CACNA2D3: variants seen among roughly 807,000 people sequenced by gnomAD.
CACNA2D3 encodes calcium voltage-gated channel auxiliary subunit alpha2delta 3, also known as voltage-dependent calcium channel subunit alpha-2/delta-3.
In CACNA2D3, 60 loss-of-function variants were observed where a neutral mutation model predicts 160.6. The observed-to-expected ratio is 0.37, with a 90% confidence interval of 0.30 to 0.46. The LOEUF is 0.46. Ranked by LOEUF, CACNA2D3 falls within the 20% of genes least tolerant of loss-of-function variation. The probability of loss-of-function intolerance (pLI) is 1.00; values close to 1 mark genes in which losing one functional copy is unlikely to be tolerated. For synonymous variants in CACNA2D3, 558 were observed against 492.9 expected, an observed-to-expected ratio of 1.13 and a Z score of -1.75; for missense variants, 1,205 against 1,365.0, an observed-to-expected ratio of 0.88 and a Z score of 1.85.
intron 4 of CACNA2D3, among the ~76,000 whole-genome samples, chr3:54,414,735 G>A (rs765341763): frequency 1.3e-5 from 2 of 149,912 alleles, no homozygotes. Context: ...ACAGAAGTCT[G>A]AACTGTTCAT....
chr3:54,760,456 G>C (rs563335340), intron 12 of CACNA2D3, among the ~76,000 whole-genome samples: 94 of 152,266 alleles, frequency 6.2e-4, no homozygotes, highest in African/African-American at 1.9e-3. Context: ...AATTCAGGGA[G>C]GGTCTTGGAG....
intron 2 of CACNA2D3, among the ~76,000 whole-genome samples, chr3:54,288,674 T>C (rs568692761): frequency 6.6e-6 from 1 of 152,274 alleles, no homozygotes; most frequent in South Asian, 2.1e-4. Flanking sequence ...ATATCCTCAA[T>C]CAAATACTGG....
chr3:54,855,551 AAG>A (rs1158209474), intron 17 of CACNA2D3, among the ~76,000 whole-genome samples: 3 of 152,170 alleles, frequency 2.0e-5, no homozygotes, highest in African/African-American at 7.2e-5. Context: ...CCAGGAAAGA[AAG>A]AGAGAAAGAA....
At chr3:54,283,067 A>G (rs1036258176) in intron 2 of CACNA2D3, among the ~76,000 whole-genome samples, 4 of 152,210 alleles carry the variant, frequency 2.6e-5, no homozygotes, top group African/African-American at 7.2e-5. Flanking sequence ...TTTAAAAACA[A>G]AGAAGGAGAG....
At chr3:54,424,121 CAG>C (rs1302877798) in intron 4 of CACNA2D3, among the ~76,000 whole-genome samples, 1 of 151,982 alleles carries the variant, frequency 6.6e-6, no homozygotes, top group Non-Finnish European at 1.5e-5. Flanking sequence ...TTTGTAGAGA[CAG>C]GGTCTCACTT....
intron 2 of CACNA2D3, among the ~76,000 whole-genome samples, chr3:54,246,724 C>CAAAAAAAAAAAAAAA (rs751213857): frequency 1.4e-5 from 2 of 147,832 alleles, no homozygotes; most frequent in African/African-American, 5.2e-5. Flanking sequence ...AACTCCATCT[C>CAAAAAAAAAAAAAAA]AAAAAAACAA....
chr3:54,280,101 A>T (rs548209716), intron 2 of CACNA2D3, among the ~76,000 whole-genome samples: 35 of 146,190 alleles, frequency 2.4e-4, no homozygotes, highest in Non-Finnish European at 4.8e-4. Context: ...TATTTATTTG[A>T]GACGGAGTCT....
chr3:54,689,085 A>G (rs113883372), intron 11 of CACNA2D3, among the ~76,000 whole-genome samples: 12 of 150,938 alleles, frequency 8.0e-5, no homozygotes, highest in South Asian at 6.3e-4. Context: ...CATAGCTGCA[A>G]TTATTAATGC....
At chr3:54,477,981 A>G (rs1700859911) in intron 4 of CACNA2D3, among the ~76,000 whole-genome samples, 1 of 152,178 alleles carries the variant, frequency 6.6e-6, no homozygotes, top group African/African-American at 2.4e-5. Context: ...GAAAGTCTTA[A>G]TTCACTATTA....
chr3:54,680,892 G>A (rs1251271346), intron 11 of CACNA2D3, among the ~76,000 whole-genome samples: 2 of 152,174 alleles, frequency 1.3e-5, no homozygotes, highest in African/African-American at 4.8e-5. Flanking sequence ...GGTAGACTGA[G>A]CACTCACTCT....
chr3:54,125,706 C>G (rs1699578347), intron 2 of CACNA2D3, among the ~76,000 whole-genome samples: 1 of 152,164 alleles, frequency 6.6e-6, no homozygotes, highest in Non-Finnish European at 1.5e-5. Context: ...TCCACTATCC[C>G]CGCAAATGCT....
intron 11 of CACNA2D3, among the ~76,000 whole-genome samples, chr3:54,681,742 A>G (rs1255319497): frequency 1.3e-5 from 2 of 152,082 alleles, no homozygotes; most frequent in African/African-American, 4.8e-5. Context: ...GGTGTGATGC[A>G]ATCTCGGCTC....
At chr3:54,941,531 G>A (rs114432956) in intron 27 of CACNA2D3, among the ~76,000 whole-genome samples, 1,570 of 152,256 alleles carry the variant, frequency 0.01, 35 homozygotes, top group African/African-American at 0.036. Flanking sequence ...GATTATGTGG[G>A]TGAGCAGTAA....
At chr3:54,309,666 A>T (rs1703686917) in intron 2 of CACNA2D3, among the ~76,000 whole-genome samples, 2 of 152,138 alleles carry the variant, frequency 1.3e-5, no homozygotes, top group Non-Finnish European at 2.9e-5. Context: ...TCATTCTGAC[A>T]GTGCTCTCCT....
intron 27 of CACNA2D3, chr3:54,918,321 C>CTTT (rs60257399): frequency 3.7e-4 from 146 of 394,418 alleles, no homozygotes; most frequent in African/African-American, 3.6e-3. Context: ...ACAGACACAT[C>CTTT]TTTTTTTTTT....
chr3:54,386,345 C>A (rs1699185583), intron 3 of CACNA2D3, among the ~76,000 whole-genome samples: 2 of 152,182 alleles, frequency 1.3e-5, no homozygotes, highest in African/African-American at 2.4e-5. Context: ...GGACTCAATT[C>A]AAGGCAATAA....
intron 32 of CACNA2D3, among the ~76,000 whole-genome samples, chr3:55,007,239 G>A (rs917369255): frequency 5.9e-5 from 9 of 151,886 alleles, no homozygotes; most frequent in Non-Finnish European, 1.0e-4. Context: ...AAAATCACAT[G>A]TTTATATGGT....
intron 11 of CACNA2D3, among the ~76,000 whole-genome samples, chr3:54,751,934 G>C (rs988486606): frequency 1.8e-4 from 28 of 152,192 alleles, no homozygotes; most frequent in African/African-American, 6.0e-4. Context: ...GGTAGGTCAT[G>C]CTTTGTTTCA....
At chr3:54,333,446 G>T (rs1260256955) in intron 3 of CACNA2D3, among the ~76,000 whole-genome samples, 1 of 151,878 alleles carries the variant, frequency 6.6e-6, no homozygotes, top group Non-Finnish European at 1.5e-5. Flanking sequence ...CTTTTCTCTG[G>T]GTATTGATGT....
Sources: allele counts gnomAD v4.1 joint callset (sites outside exome capture counted in the v4.1 genomes callset), GRCh38; gene constraint gnomAD v4.1.1; transcripts MANE v1.5; gene names NCBI Gene and HGNC (gene_info 2026-07-23, HGNC 2026-07-21).